The following SPATA13 variants were observed in gnomAD, a reference collection of about 807,000 sequenced individuals.
SPATA13 encodes the protein spermatogenesis associated 13, also known as spermatogenesis-associated protein 13.
SPATA13 carries 50 observed loss-of-function variants against 104.0 expected under a neutral mutation model. The ratio of observed to expected loss-of-function variants is 0.48; its 90% confidence interval spans 0.38 to 0.61. The LOEUF (loss-of-function observed/expected upper bound fraction) is 0.61. SPATA13 is among the 20% of genes least tolerant of loss of function. The probability of loss-of-function intolerance (pLI) is 0.00; values close to 1 mark genes in which losing one functional copy is unlikely to be tolerated. For missense variants in SPATA13, 1,524 were observed against 1,690.6 expected, an observed-to-expected ratio of 0.90 and a Z score of 1.73; for synonymous variants, 606 against 667.5, an observed-to-expected ratio of 0.91 and a Z score of 1.42.
intron 3 of SPATA13, chr13:24,034,852 C>A (rs1403685230): frequency 2.0e-5 from 3 of 152,268 alleles, no homozygotes; most frequent in Non-Finnish European, 4.4e-5. Context: ...AGAGGCTGAG[C>A]TGACAATGGG....
chr13:24,273,663 T>A (rs1874773263), intron 4 of SPATA13, among the ~76,000 whole-genome samples: 1 of 152,204 alleles, frequency 6.6e-6, no homozygotes. Context: ...AAGGGACAGA[T>A]ATAAACTTAA....
intron 1 of SPATA13, among the ~76,000 whole-genome samples, chr13:24,204,108 C>G (rs2138576649): frequency 6.6e-6 from 1 of 152,264 alleles, no homozygotes; most frequent in East Asian, 1.9e-4. Flanking sequence ...AGAGACAGTT[C>G]CTGCACTGAA....
At chr13:24,126,207 G>A (rs889229175) in intron 3 of SPATA13, among the ~76,000 whole-genome samples, 5 of 152,196 alleles carry the variant, frequency 3.3e-5, no homozygotes, top group Non-Finnish European at 5.9e-5. Context: ...AAGTCATGGG[G>A]GCAGGAGCCA....
At position 24,086,254 on chromosome 13, in the gene SPATA13, C is replaced by T. The variant is rs144831030; in HGVS notation, c.-112+68553C>T. Among the ~76,000 whole-genome samples, 752 of 152,308 alleles carry T rather than the reference C, an allele frequency of 4.9e-3. 7 individuals carry two copies. Among genetic ancestry groups the T allele is most frequent in the African/African-American group, 0.017 (721 of 41,566 alleles). Reference sequence around the variant, plus strand: ...TATCTTTTAGTGTAAGTGTATCATTCATATTGCATGGTACATAGTCTTGCT... The same window carrying T: ...TATCTTTTAGTGTAAGTGTATCATTTATATTGCATGGTACATAGTCTTGCT... On this transcript the variant is annotated intron_variant, in intron 3 of 14. Coordinates refer to the SPATA13 transcript ENST00000424834.
intron 4 of SPATA13, chr13:24,254,375 C>T (rs1425907214): frequency 6.6e-6 from 1 of 152,222 alleles, no homozygotes; most frequent in African/African-American, 2.4e-5. Flanking sequence ...GTGGGCCAGC[C>T]TCTCCAAATT....
rs1044766362 is a variant in SPATA13 at position 24,223,840 on chromosome 13, G to A, written c.911G>A (p.Arg304Lys). ...STDSQKLGSG[R>K]TKRWRSPIRA... ...GACTCCCAAAAGCTTGGGTCAGGAA[G>A]GACCAAACGCTGGAGGAGCCCGATA... The change falls in exon 2 of 13, where the codon AGG becomes AAG. Residue 304 changes from arginine to lysine, a missense_variant. By Grantham distance (26) the Arg-to-Lys change is conservative. Around this residue, in one of 2 missense-constraint regions of SPATA13, gnomAD observed 1,089 missense variants for 1,135.9 expected, o/e 0.96. Coordinates refer to ENST00000382108, the MANE Select transcript of SPATA13 (RefSeq NM_001166271.3). 23 of 1,551,630 alleles carry A rather than the reference G, an allele frequency of 1.5e-5. No individual in the cohort carries two copies. Among genetic ancestry groups the A allele is most frequent in the Non-Finnish European group, 2.0e-5 (23 of 1,147,016 alleles).
At chr13:24,213,259 G>C (rs1871119294) in intron 1 of SPATA13, among the ~76,000 whole-genome samples, 1 of 152,016 alleles carries the variant, frequency 6.6e-6, no homozygotes, top group Non-Finnish European at 1.5e-5. Flanking sequence ...CACTGCAAAG[G>C]GTCTTTTTTT....
intron 4 of SPATA13, among the ~76,000 whole-genome samples, chr13:24,283,466 C>G (rs1396514728): frequency 6.6e-6 from 1 of 152,238 alleles, no homozygotes; most frequent in Non-Finnish European, 1.5e-5. Context: ...GAAGAGACTG[C>G]TCAGTGACAG....
chr13:24,162,377 T>C (rs942926421), intron 1 of SPATA13: 2 of 154,956 alleles, frequency 1.3e-5, no homozygotes, highest in Non-Finnish European at 2.9e-5. Flanking sequence ...TGCCTTCTGC[T>C]GCGGTTTTCC....
In SPATA13 at chr13:24,305,532, C is replaced by T. The variant is rs1238280525; in HGVS notation, c.*2759C>T. ...GGAAGGCTCAAGTATTCTCATCTTC[C>T]ATTTGCCAAACTTCCTTCCTGATTT... On this transcript the variant is annotated 3_prime_UTR_variant, in exon 13 of 13. Transcript: ENST00000382108. The T allele has an allele frequency of 6.6e-6, 1 of 152,218 alleles. No individual in the cohort carries two copies. Among genetic ancestry groups the T allele is most frequent in the Admixed American group, 6.5e-5 (1 of 15,280 alleles). The allele number at this position is 152,218 out of a possible 1,614,324, so 9.4% of individuals were successfully genotyped here. A position where few individuals can be genotyped will look rare whatever the true frequency, so the allele number is the denominator to read the frequency against.
chr13:24,097,747 C>A (rs4770580), intron 3 of SPATA13, among the ~76,000 whole-genome samples: 139,689 of 152,264 alleles, frequency 0.92, 64,525 homozygotes, highest in Non-Finnish European at 0.97. Flanking sequence ...AGGAGAGGGA[C>A]CCCCCAACAT....
chr13:24,188,034 G>A (rs2138536903), intron 1 of SPATA13, among the ~76,000 whole-genome samples: 1 of 152,242 alleles, frequency 6.6e-6, no homozygotes, highest in South Asian at 2.1e-4. Flanking sequence ...AAAAGTTCTT[G>A]AAGGAAATTA....
At chr13:24,086,592 C>T (rs1419421632) in intron 3 of SPATA13, among the ~76,000 whole-genome samples, 4 of 152,172 alleles carry the variant, frequency 2.6e-5, no homozygotes, top group Non-Finnish European at 5.9e-5. Flanking sequence ...ATAGAGGAGG[C>T]AGAGGCAGCA....
At chr13:24,172,070 C>A (rs1019113281) in intron 1 of SPATA13, among the ~76,000 whole-genome samples, 2 of 152,100 alleles carry the variant, frequency 1.3e-5, no homozygotes, top group Non-Finnish European at 2.9e-5. Flanking sequence ...TTCCCATCAC[C>A]ACAGGATCCC....
chr13:24,180,752 GT>G (rs1228543716), intron 1 of SPATA13, among the ~76,000 whole-genome samples: 2 of 152,084 alleles, frequency 1.3e-5, no homozygotes, highest in South Asian at 2.1e-4. Flanking sequence ...AGATGGGATA[GT>G]TTTCATAATT....
At chr13:24,269,386 A>C (rs1447596750) in intron 4 of SPATA13, among the ~76,000 whole-genome samples, 2 of 151,738 alleles carry the variant, frequency 1.3e-5, no homozygotes, top group Non-Finnish European at 2.9e-5. Context: ...GTATGTATGT[A>C]TGTGTGTATG....
chr13:24,212,569 G>C (rs544129651), intron 1 of SPATA13, among the ~76,000 whole-genome samples: 1 of 152,136 alleles, frequency 6.6e-6, no homozygotes, highest in African/African-American at 2.4e-5. Context: ...ATTCCATATC[G>C]TTAAAGTTCT....
At position 24,143,745 on chromosome 13, in the gene SPATA13, ACTGT is replaced by A. The variant is rs1881839690; in HGVS notation, c.-111-79070_-111-79067del. ...AGTGGGGGCTGAGCCCTTTTCAGAA[ACTGT>A]CTGGCTACTTGATGCCATGTCTTGC... On this transcript the variant is annotated intron_variant, in intron 3 of 14. Coordinates refer to the SPATA13 transcript ENST00000424834. Among the ~76,000 whole-genome samples, 6 of 152,184 alleles carry A rather than the reference ACTGT, an allele frequency of 3.9e-5. No homozygotes were observed. In the South Asian group the frequency reaches 1.2e-3, roughly 32 times the overall value.
At chr13:24,045,402 C>T (rs1324781446) in intron 3 of SPATA13, among the ~76,000 whole-genome samples, 1 of 152,146 alleles carries the variant, frequency 6.6e-6, no homozygotes, top group Non-Finnish European at 1.5e-5. Flanking sequence ...TGGAAACAGG[C>T]ATTTTGCATA....
Sources: gnomAD v4.1 joint callset for allele counts (sites outside exome capture counted in the v4.1 genomes callset) on GRCh38, gnomAD v4.1.1 for gene constraint, gnomAD v4.1.1 regional missense constraint, MANE v1.5 for transcripts, NCBI Gene and HGNC (gene_info 2026-07-23, HGNC 2026-07-21) for gene names.